Variants in BCAT1 observed in about 807,000 individuals in gnomAD.
BCAT1 encodes branched chain amino acid transaminase 1.
In BCAT1, 48 loss-of-function variants were observed where a neutral mutation model predicts 52.4. That is an observed-to-expected ratio of 0.92 (90% CI 0.73 to 1.16). The LOEUF is 1.16. BCAT1 is among the 50% of genes most tolerant of loss of function. BCAT1 has a pLI of 0.00. For missense variants in BCAT1, 451 were observed against 457.1 expected, an observed-to-expected ratio of 0.99 and a Z score of 0.12; for synonymous variants, 167 against 161.3, an observed-to-expected ratio of 1.04 and a Z score of -0.27.
intron 3 of BCAT1, among the ~76,000 whole-genome samples, chr12:24,884,137 G>T (rs1942587607): frequency 6.6e-6 from 1 of 152,054 alleles, no homozygotes; most frequent in South Asian, 2.1e-4. Flanking sequence ...AAGAAAATGT[G>T]GTATGTATAC....
chr12:24,935,870 C>A (rs1246841529), intron 1 of BCAT1, among the ~76,000 whole-genome samples: 2 of 152,194 alleles, frequency 1.3e-5, no homozygotes, highest in Non-Finnish European at 1.5e-5. Context: ...GTCCTCATTT[C>A]TTTCTCAGCC....
intron 1 of BCAT1, chr12:24,902,457 TG>T: frequency 1.0e-6 from 1 of 998,324 alleles, no homozygotes; most frequent in Non-Finnish European, 1.2e-6. Context: ...CGGGACTAAT[TG>T]GGAAAACCTG....
intron 5 of BCAT1, among the ~76,000 whole-genome samples, chr12:24,851,239 CT>C (rs1429410231): frequency 6.6e-6 from 1 of 152,284 alleles, no homozygotes; most frequent in East Asian, 1.9e-4. Flanking sequence ...AGAGCCTGGT[CT>C]ACCTGGATAG....
chr12:24,928,014 C>T (rs1000999149), intron 1 of BCAT1, among the ~76,000 whole-genome samples: 8 of 152,190 alleles, frequency 5.3e-5, no homozygotes, highest in Non-Finnish European at 1.2e-4. Context: ...CCTCACATTG[C>T]ATTCAATGCT....
chr12:24,882,848 G>A (rs1458961096), intron 3 of BCAT1, among the ~76,000 whole-genome samples: 1 of 152,002 alleles, frequency 6.6e-6, no homozygotes, highest in Non-Finnish European at 1.5e-5. Context: ...TGATGTGCCT[G>A]CCTCGGCCTC....
Position 24,814,987 on chromosome 12 carries a change from T to G in BCAT1, c.*3021A>C, listed in dbSNP as rs1939826845. On this transcript the variant is annotated 3_prime_UTR_variant, in exon 11 of 11. Coordinates refer to ENST00000261192, the MANE Select transcript of BCAT1 (RefSeq NM_005504.7). ...AAAGGCTAAAGCAGGTGTTATAAAT[T>G]TATTCATTCCTGTGCTAGAGAGCAT... 1 of 152,166 alleles carries G rather than the reference T, an allele frequency of 6.6e-6. No homozygotes were observed. Among genetic ancestry groups the G allele is most frequent in the Admixed American group, 6.5e-5 (1 of 15,270 alleles). The allele number at this position is 152,166 out of a possible 1,614,324, so 9.4% of individuals were successfully genotyped here.
rs1940445968 is a variant in BCAT1 at position 24,827,319 on chromosome 12, A to C, written c.1119+2504T>G. 4.3e-5 allele frequency among the ~76,000 whole-genome samples: 4 copies of C among 93,258 alleles called. No individual in the cohort carries two copies. The South Asian group carries it at 1.5e-3, about 36-fold the overall frequency. The allele number at this position is 93,258 out of a possible 152,430, so 61.2% of individuals were successfully genotyped here. ...AAAATGCCTAAGCCATCCATGCAGAAATTTTTATTAGCTACTCTTCAAATT... is the reference window on the plus strand; with the variant it reads ...AAAATGCCTAAGCCATCCATGCAGACATTTTTATTAGCTACTCTTCAAATT... On this transcript the variant is annotated intron_variant, in intron 10 of 10. Coordinates refer to ENST00000261192, the MANE Select transcript of BCAT1 (RefSeq NM_005504.7).
At chr12:24,936,483 T>C (rs1221256950) in intron 1 of BCAT1, among the ~76,000 whole-genome samples, 2 of 152,224 alleles carry the variant, frequency 1.3e-5, no homozygotes, top group East Asian at 3.8e-4. Flanking sequence ...TCCACCCACC[T>C]TGGCCTCCCA....
At position 24,812,675 on chromosome 12, in the gene BCAT1, G is replaced by A. The variant is rs185963721; in HGVS notation, c.*5333C>T. The A allele has an allele frequency of 3.3e-5, 5 of 152,052 alleles. No individual in the cohort carries two copies. The highest frequency in any genetic ancestry group is 2.0e-4 in the Admixed American group (3 of 15,270). 9.4% of individuals were successfully genotyped at this position (152,052 alleles called of 1,614,324 possible). On this transcript the variant is annotated 3_prime_UTR_variant, in exon 11 of 11. Coordinates refer to ENST00000261192, the MANE Select transcript of BCAT1 (RefSeq NM_005504.7). ...GCTCCTTTGGATAACACAAAAATAT[G>A]TTTTGTTTTTTTCCCCTCCTCTATC...
intron 1 of BCAT1, among the ~76,000 whole-genome samples, chr12:24,932,450 T>C (rs1028615245): frequency 6.6e-6 from 1 of 152,250 alleles, no homozygotes; most frequent in Non-Finnish European, 1.5e-5. Context: ...CCAGTCAGTA[T>C]AAATTTGTAC....
rs534525971 is a variant in BCAT1 at position 24,832,426 on chromosome 12, A to C, written c.1044+297T>G. 9.7e-4 allele frequency among the ~76,000 whole-genome samples: 147 copies of C among 152,278 alleles called. 12 individuals carry two copies. The highest frequency in any genetic ancestry group is 3.9e-4 in the Admixed American group (6 of 15,290). ...AAAACAACAACAAAAAAGACCTAGC[A>C]TGGTGCGGTGGCGCACTCCTGTAAT... On this transcript the variant is annotated intron_variant, in intron 9 of 10. Transcript: ENST00000261192.
intron 3 of BCAT1, among the ~76,000 whole-genome samples, chr12:24,887,066 A>ATAAAAAT (rs1459886482): frequency 8.9e-5 from 7 of 78,722 alleles, no homozygotes; most frequent in South Asian, 4.9e-4. Flanking sequence ...CTAGCTAAAA[A>ATAAAAAT]AAAAAAAAAA....
chr12:24,887,955 C>G (rs1942730800), intron 3 of BCAT1, among the ~76,000 whole-genome samples: 2 of 152,066 alleles, frequency 1.3e-5, no homozygotes, highest in Non-Finnish European at 2.9e-5. Context: ...CTCAATAGGT[C>G]CGATGAGTGA....
chr12:24,904,664 A>AT (rs200154409), intron 1 of BCAT1: 1 of 152,006 alleles, frequency 6.6e-6, no homozygotes, highest in African/African-American at 2.4e-5. Context: ...TCCCAAATAT[A>AT]TTTTTTCAGT....
chr12:24,921,019 G>A (rs141343074), intron 1 of BCAT1, among the ~76,000 whole-genome samples: 1 of 152,228 alleles, frequency 6.6e-6, no homozygotes, highest in Non-Finnish European at 1.5e-5. Context: ...CTCCCAGCAT[G>A]TGAATGAATT....
At chr12:24,939,343 T>C (rs982276736) in intron 1 of BCAT1, among the ~76,000 whole-genome samples, 1 of 152,230 alleles carries the variant, frequency 6.6e-6, no homozygotes, top group Non-Finnish European at 1.5e-5. Context: ...CTGGTCATTA[T>C]TGTACTATAT....
chr12:24,896,492 C>A (rs1479033871), intron 2 of BCAT1, among the ~76,000 whole-genome samples: 2 of 152,130 alleles, frequency 1.3e-5, no homozygotes, highest in Non-Finnish European at 2.9e-5. Flanking sequence ...TTTAGCAGGC[C>A]GGGCACAGTG....
intron 10 of BCAT1, among the ~76,000 whole-genome samples, chr12:24,825,135 G>GTGTATA (rs1236367045): frequency 6.8e-6 from 1 of 146,478 alleles, no homozygotes; most frequent in Non-Finnish European, 1.5e-5. Context: ...GTGTGTGTGT[G>GTGTATA]TATATATATA....
At chr12:24,930,079 A>G (rs1416644197) in intron 1 of BCAT1, among the ~76,000 whole-genome samples, 2 of 152,224 alleles carry the variant, frequency 1.3e-5, no homozygotes, top group Non-Finnish European at 2.9e-5. Context: ...ATAATCTGGC[A>G]CTGGGGGCCC....
Sources: allele counts gnomAD v4.1 joint callset (sites outside exome capture counted in the v4.1 genomes callset), GRCh38; gene constraint gnomAD v4.1.1; transcripts MANE v1.5; gene names NCBI Gene and HGNC (gene_info 2026-07-23, HGNC 2026-07-21).